INTS2: variants seen among roughly 807,000 people sequenced by gnomAD.
The protein encoded by INTS2 is integrator complex subunit 2.
Under a neutral mutation model 139.6 loss-of-function variants are expected in INTS2, and 57 were observed. That is an observed-to-expected ratio of 0.41 (90% CI 0.33 to 0.51). INTS2 has a LOEUF of 0.51. Among genes scored for constraint, INTS2 ranks in the 20% least tolerant of loss-of-function variants. The pLI, the probability that INTS2 is intolerant of heterozygous loss-of-function variation, is 0.28. For synonymous variants in INTS2, 473 were observed against 493.4 expected (o/e 0.96, Z 0.55); for missense variants, 1,196 against 1,436.7 (o/e 0.83, Z 2.71).
chr17:61,914,593 C>T (rs775588168), intron 5 of INTS2, among the ~76,000 whole-genome samples: 116 of 151,556 alleles, frequency 7.7e-4, no homozygotes, highest in Non-Finnish European at 1.4e-3. Flanking sequence ...GTCCCAGCTA[C>T]TCGGGAGGCT....
chr17:61,884,900 C>A lies in INTS2; in HGVS notation c.2089+1G>T. The stretch of plus-strand genomic sequence containing the variant: ...GCAGTAAAAAGCAAAATAAAACATA[C>A]CTCCCAACTCCTGCTGCAGCCCTTG... On this transcript the variant is annotated splice_donor_variant, in intron 16 of 24. Transcript: ENST00000251334. LOFTEE classifies it high-confidence loss of function. The A allele has an allele frequency of 6.3e-7, 1 of 1,583,098 alleles. No individual in the cohort carries two copies. The highest frequency in any genetic ancestry group is 8.6e-7 in the Non-Finnish European group (1 of 1,158,726).
chr17:61,921,811 C>A lies in INTS2; in HGVS notation c.449G>T (p.Gly150Val). Residue 150 changes from glycine (G) to valine (V), a missense_variant, in exon 4 of 25, where the codon GGA (glycine) becomes GTA (valine). Transcript: ENST00000251334. ...TTCAGAAGACTTGAAAAAAAATTCT[C>A]CGTTGGACTCAGACACCTTAAAAAA... ...AIMNKVSESN[G>V]EFFFKSSELF... The A allele has an allele frequency of 6.3e-7, 1 of 1,591,398 alleles. No individual in the cohort carries two copies. Among genetic ancestry groups the A allele is most frequent in the Non-Finnish European group, 8.6e-7 (1 of 1,166,852 alleles).
intron 18 of INTS2, among the ~76,000 whole-genome samples, chr17:61,877,517 A>G (rs1297999649): frequency 6.6e-6 from 1 of 152,188 alleles, no homozygotes; most frequent in Non-Finnish European, 1.5e-5. Context: ...ATGGGTTCCA[A>G]CCTGGGGATC....
chr17:61,907,988 A>AAT (rs1337967238), intron 7 of INTS2, among the ~76,000 whole-genome samples: 1 of 152,204 alleles, frequency 6.6e-6, no homozygotes, highest in African/African-American at 2.4e-5. Context: ...TTGGGGTTTA[A>AAT]ATGCCAGCTC....
At position 61,876,352 on chromosome 17, in the gene INTS2, G is replaced by C. The variant is rs2079126749; in HGVS notation, c.2457-1314C>G. Among the ~76,000 whole-genome samples the C allele has an allele frequency of 6.6e-6, 1 of 151,390 alleles. No individual in the cohort carries two copies. Among genetic ancestry groups the C allele is most frequent in the Non-Finnish European group, 1.5e-5 (1 of 67,870 alleles). On this transcript the variant is annotated intron_variant, in intron 18 of 24. Transcript: ENST00000251334. This position sits in a 1 kb window ranked among gnomAD's most constrained non-coding sequence, Gnocchi z 4.1. ...TAAAACGAGGATATAAACCAAGAAA[G>C]AGAAAAATATGGAATCCAACAAAGA...
intron 9 of INTS2, among the ~76,000 whole-genome samples, chr17:61,898,462 TA>T (rs2079371623): frequency 6.6e-6 from 1 of 152,002 alleles, no homozygotes; most frequent in Non-Finnish European, 1.5e-5. Flanking sequence ...ATCCAGCTAA[TA>T]TTTTTTATTT....
rs753391367 is a variant in INTS2, at chr17:61,926,718, C to G, written c.-18-56G>C. ...GTTTAACTTTCACATGTATGAACAC[C>G]CAACTTTCTAAAAACCCTGAAAAAT... On this transcript the variant is annotated intron_variant, in intron 1 of 24. Transcript: ENST00000251334. 8.6e-6 allele frequency: 12 copies of G among 1,395,266 alleles called. No individual in the cohort carries two copies. In the South Asian group the frequency reaches 1.2e-4, roughly 14 times the overall value. The allele number at this position is 1,395,266 out of a possible 1,614,324, so 86.4% of individuals were successfully genotyped here.
Position 61,875,114 on chromosome 17 carries a change from T to TGAA in INTS2, c.2457-77_2457-76insTTC. 1 of 1,066,630 alleles carries TGAA rather than the reference T, an allele frequency of 9.4e-7. No individual in the cohort carries two copies. Among genetic ancestry groups the TGAA allele is most frequent in the Non-Finnish European group, 1.3e-6 (1 of 785,938 alleles). The allele number at this position is 1,066,630 out of a possible 1,614,324, so 66.1% of individuals were successfully genotyped here. A position where few individuals can be genotyped will look rare whatever the true frequency, so the allele number is the denominator to read the frequency against. On this transcript the variant is annotated intron_variant, in intron 18 of 24. Transcript: ENST00000251334. This position sits in a 1 kb window ranked among gnomAD's most constrained non-coding sequence, Gnocchi z 4.6. ...CTGTAGCCATCCAGTCCTTTCTATC[T>TGAA]TAGAAAGTTATATTCAGTAAATAAT...
chr17:61,900,739 C>T (rs978790605), intron 9 of INTS2, among the ~76,000 whole-genome samples: 1 of 152,070 alleles, frequency 6.6e-6, no homozygotes, highest in Non-Finnish European at 1.5e-5. Flanking sequence ...AGGCAGATCA[C>T]CTGAGGTCAG....
intron 11 of INTS2, among the ~76,000 whole-genome samples, chr17:61,895,675 A>G (rs1248909220): frequency 1.3e-4 from 20 of 152,138 alleles, no homozygotes; most frequent in Non-Finnish European, 2.9e-5. Flanking sequence ...GGCCAAGAGA[A>G]ATATGTGTGT....
At position 61,895,357 on chromosome 17, in the gene INTS2, G is replaced by A. The variant is rs1481845784; in HGVS notation, c.1521C>T (p.Ser507=). 2 of 1,582,332 alleles carry A rather than the reference G, an allele frequency of 1.3e-6. No individual in the cohort carries two copies. ...MKIVIKPSSL[S]RMKTIFTQEI... is the part of the protein sequence containing the mutation. ...CCTGTGTGAAGATTGTCTTCATCCT[G>A]CTCAAGGAGCTTGGCTTAATTACAA... is the stretch of plus-strand genomic sequence containing the variant. Residue 507 remains serine, a synonymous_variant, in exon 12 of 25, where the codon AGC becomes AGT. Coordinates refer to ENST00000251334, the MANE Select transcript of INTS2 (RefSeq NM_001351695.2).
Position 61,927,911 on chromosome 17 carries a change from A to C in INTS2, c.-276T>G. ...GACTGTAGGAACGGAAAAGCGGGAG[A>C]CTTTTTCAACCTGCACCCAGCACCT... On this transcript the variant is annotated 5_prime_UTR_variant, in exon 1 of 25. Transcript: ENST00000251334. 6.2e-7 allele frequency: 1 copy of C among 1,613,778 alleles called. No homozygotes were observed. The highest frequency in any genetic ancestry group is 2.2e-5 in the East Asian group (1 of 44,868).
In INTS2 at chr17:61,919,412, T is replaced by G; in HGVS notation, c.637A>C (p.Ser213Arg). The change falls in exon 5 of 25, where the codon AGT (serine) becomes CGT (arginine). Residue 213 changes from serine (S) to arginine (R), a missense_variant. Physicochemically the swap from Ser to Arg is moderately radical, Grantham distance 110 (BLOSUM62 -1). Around this residue, in one of 3 missense-constraint regions of INTS2, gnomAD observed 1,129 missense variants for 1,341.9 expected, o/e 0.84. Transcript: ENST00000251334. ...LCLLVANVPD[S>R]FNEVCRGLIK... is the part of the protein sequence containing the mutation. ...GAATCATATTTACCTTCATTAAAAC[T>G]ATCAGGAACATTGGCCACCAAGAGA... is the stretch of plus-strand genomic sequence containing the variant. 1 of 1,555,368 alleles carries G rather than the reference T, an allele frequency of 6.4e-7. No individual in the cohort carries two copies.
chr17:61,892,740 T>C (rs2079307844), intron 13 of INTS2, among the ~76,000 whole-genome samples: 1 of 147,660 alleles, frequency 6.8e-6, no homozygotes. Context: ...AGGTCAGGAG[T>C]TTGAGACCAG....
chr17:61,890,104 T>TGGTCTTTAAGA (rs2079275106), intron 14 of INTS2, among the ~76,000 whole-genome samples: 1 of 152,200 alleles, frequency 6.6e-6, no homozygotes, highest in Non-Finnish European at 1.5e-5. Context: ...CATGCTTAAG[T>TGGTCTTTAAGA]GGTCTTTAAG....
chr17:61,926,820 G>A (rs1429697825), intron 1 of INTS2, 158 bp from the exon 2 acceptor site: 4 of 662,160 alleles, frequency 6.0e-6, no homozygotes, highest in African/African-American at 3.6e-5. Flanking sequence ...GTCTCCCTAG[G>A]TTTATACTGT....
At chr17:61,905,403 T>C (rs1324493567) in intron 8 of INTS2, among the ~76,000 whole-genome samples, 16 of 152,224 alleles carry the variant, frequency 1.1e-4, no homozygotes, top group Admixed American at 9.8e-4. Context: ...CTCGGCTCAC[T>C]GCAAACTCTA....
chr17:61,868,356 T>C lies in INTS2; in HGVS notation c.3245-347A>G, dbSNP rs796436885. On this transcript the variant is annotated intron_variant, in intron 23 of 24. Coordinates refer to ENST00000251334, the MANE Select transcript of INTS2 (RefSeq NM_001351695.2). This position sits in a 1 kb window ranked among gnomAD's most constrained non-coding sequence, Gnocchi z 4.7. Reference sequence around the variant, plus strand: ...TTGTTAAAGATCACAAGCCAGTTAGTGGTGGGGCTGAGATTGAATTCAGGC... The same window carrying C: ...TTGTTAAAGATCACAAGCCAGTTAGCGGTGGGGCTGAGATTGAATTCAGGC... 2.0e-4 allele frequency among the ~76,000 whole-genome samples: 30 copies of C among 152,234 alleles called. No homozygotes were observed. Among genetic ancestry groups the C allele is most frequent in the African/African-American group, 7.2e-4 (30 of 41,550 alleles).
chr17:61,893,671 G>C lies in INTS2; in HGVS notation c.1698+94C>G. 1 of 923,612 alleles carries C rather than the reference G, an allele frequency of 1.1e-6. No homozygotes were observed. The highest frequency in any genetic ancestry group is 1.5e-6 in the Non-Finnish European group (1 of 689,098). 57.2% of individuals were successfully genotyped at this position (923,612 alleles called of 1,614,324 possible). A position where few individuals can be genotyped will look rare whatever the true frequency, so the allele number is the denominator to read the frequency against. On this transcript the variant is annotated intron_variant, in intron 13 of 24. Transcript: ENST00000251334. The surrounding 1 kb of genome is among the most constrained non-coding windows in gnomAD (Gnocchi z 5.4). ...GACTGCACCACTGCACTCCAACCTG[G>C]GTGACTGAGCAAGACTCCATCTCAA... is the stretch of plus-strand genomic sequence containing the variant.
Sources: allele counts gnomAD v4.1 joint callset (sites outside exome capture counted in the v4.1 genomes callset), GRCh38; gene constraint gnomAD v4.1.1; regional missense constraint gnomAD v4.1.1; non-coding constraint Gnocchi (gnomAD v3.1); transcripts MANE v1.5; gene names NCBI Gene and HGNC (gene_info 2026-07-23, HGNC 2026-07-21).